The following LRRTM4 variants were observed in gnomAD, a reference collection of about 807,000 sequenced individuals.
LRRTM4 encodes leucine-rich repeat transmembrane neuronal protein 4.
A neutral mutation model predicts 47.6 loss-of-function variants in LRRTM4; 25 were observed. The observed-to-expected ratio is 0.53, with a 90% CI of 0.38 to 0.73. The LOEUF (loss-of-function observed/expected upper bound fraction) is 0.73, where lower values mean the gene tolerates loss of function less well. LRRTM4 is among the 30% of genes least tolerant of loss of function. The pLI, the probability that LRRTM4 is intolerant of heterozygous loss-of-function variation, is 0.00. For synonymous variants in LRRTM4, 311 were observed against 269.5 expected, an observed-to-expected ratio of 1.15 and a Z score of -1.51; for missense variants, 638 against 713.4, an observed-to-expected ratio of 0.89 and a Z score of 1.20.
intron 3 of LRRTM4, among the ~76,000 whole-genome samples, chr2:77,477,903 A>AAAAGAAAGAAAG (rs70956633): frequency 4.0e-4 from 44 of 109,866 alleles, no homozygotes; most frequent in Non-Finnish European, 4.7e-4. Flanking sequence ...AAAAGAAAGA[A>AAAAGAAAGAAAG]AAAGAAAGAA....
chr2:77,409,310 C>T (rs150128161), intron 3 of LRRTM4, among the ~76,000 whole-genome samples: 1 of 152,222 alleles, frequency 6.6e-6, no homozygotes, highest in East Asian at 1.9e-4. Context: ...TATTTTCTTA[C>T]GGTTCTAGAG....
intron 3 of LRRTM4, among the ~76,000 whole-genome samples, chr2:76,822,000 T>G (rs534734623): frequency 6.6e-6 from 1 of 151,618 alleles, no homozygotes; most frequent in Admixed American, 6.6e-5. Flanking sequence ...TGGAAAATAG[T>G]GGAACTGAAT....
At chr2:77,414,588 T>A (rs17014067) in intron 3 of LRRTM4, among the ~76,000 whole-genome samples, 6,912 of 152,250 alleles carry the variant, frequency 0.045, 571 homozygotes, top group African/African-American at 0.16. Context: ...GAATTTTAGG[T>A]ATAATTTGCC....
At chr2:77,399,837 T>G (rs560461667) in intron 3 of LRRTM4, among the ~76,000 whole-genome samples, 1 of 151,858 alleles carries the variant, frequency 6.6e-6, no homozygotes, top group African/African-American at 2.4e-5. Flanking sequence ...AAGATGTGCA[T>G]TGAAATTGGG....
chr2:76,775,242 G>T (rs985067538), intron 3 of LRRTM4, among the ~76,000 whole-genome samples: 10 of 152,172 alleles, frequency 6.6e-5, no homozygotes, highest in African/African-American at 2.4e-4. Flanking sequence ...ATTTTCAATG[G>T]TGTAATCCTT....
At chr2:77,222,275 C>T (rs919450777) in intron 3 of LRRTM4, among the ~76,000 whole-genome samples, 2 of 151,924 alleles carry the variant, frequency 1.3e-5, no homozygotes, top group African/African-American at 4.8e-5. Context: ...AAATTGACAC[C>T]CTAACATCAC....
intron 3 of LRRTM4, among the ~76,000 whole-genome samples, chr2:77,184,736 G>C (rs1478063631): frequency 6.6e-6 from 1 of 152,068 alleles, no homozygotes; most frequent in South Asian, 2.1e-4. Flanking sequence ...TGTTAAATTT[G>C]TATCTCTTTA....
intron 3 of LRRTM4, among the ~76,000 whole-genome samples, chr2:76,932,781 G>A (rs1573331931): frequency 6.6e-6 from 1 of 150,968 alleles, no homozygotes; most frequent in East Asian, 2.0e-4. Flanking sequence ...ACACACAAAA[G>A]AGAGGAAAAT....
intron 3 of LRRTM4, among the ~76,000 whole-genome samples, chr2:77,212,104 G>A (rs1041750745): frequency 5.9e-5 from 9 of 151,842 alleles, no homozygotes; most frequent in Admixed American, 1.3e-4. Flanking sequence ...TGGGATGTGG[G>A]AGACTACTTA....
chr2:76,855,222 C>T (rs563458229), intron 3 of LRRTM4, among the ~76,000 whole-genome samples: 1 of 152,140 alleles, frequency 6.6e-6, no homozygotes, highest in African/African-American at 2.4e-5. Flanking sequence ...TCATGGGGCC[C>T]GTGTAAGCCA....
At chr2:76,794,500 A>T (rs1053310022) in intron 3 of LRRTM4, among the ~76,000 whole-genome samples, 2 of 152,200 alleles carry the variant, frequency 1.3e-5, no homozygotes, top group Non-Finnish European at 2.9e-5. Context: ...TTACTGGTAT[A>T]GGCAAACATT....
At chr2:77,408,560 G>T (rs1674299639) in intron 3 of LRRTM4, among the ~76,000 whole-genome samples, 1 of 152,030 alleles carries the variant, frequency 6.6e-6, no homozygotes, top group African/African-American at 2.4e-5. Context: ...TTTTCATTTT[G>T]TGTTTTCTCA....
chr2:77,053,125 G>C (rs144347624), intron 3 of LRRTM4, among the ~76,000 whole-genome samples: 2 of 152,252 alleles, frequency 1.3e-5, no homozygotes, highest in Admixed American at 1.3e-4. Flanking sequence ...TAAAGAAACC[G>C]TAACTAGTAG....
chr2:77,155,368 A>G (rs994715991), intron 3 of LRRTM4, among the ~76,000 whole-genome samples: 1 of 151,914 alleles, frequency 6.6e-6, no homozygotes, highest in Non-Finnish European at 1.5e-5. Context: ...AATTATACCT[A>G]CTTACACTGA....
At chr2:77,471,803 C>A (rs1573459417) in intron 3 of LRRTM4, among the ~76,000 whole-genome samples, 1 of 152,106 alleles carries the variant, frequency 6.6e-6, no homozygotes, top group South Asian at 2.1e-4. Flanking sequence ...GCTCCTTCAT[C>A]CTGATTTATT....
chr2:76,974,151 CATACATATATATATAT>C (rs1676317746), intron 3 of LRRTM4, among the ~76,000 whole-genome samples: 2 of 133,744 alleles, frequency 1.5e-5, no homozygotes, highest in African/African-American at 6.0e-5. Flanking sequence ...CATATATATA[CATACATATATATATAT>C]ACATACATAT....
intron 3 of LRRTM4, among the ~76,000 whole-genome samples, chr2:77,394,953 C>T (rs1378548204): frequency 6.6e-6 from 1 of 151,978 alleles, no homozygotes; most frequent in Admixed American, 6.6e-5. Context: ...GCATTGAGCT[C>T]AAGTTGTCTT....
rs576318403 is a variant in LRRTM4 at position 77,246,585 on chromosome 2, CA to C, written c.1551+271732del. ...CAAATTGGACTGCACAGATACAGAACATTTGCATCATCACAGGCAATTCTAT... is the reference window on the plus strand; with the variant it reads ...CAAATTGGACTGCACAGATACAGAACTTTGCATCATCACAGGCAATTCTAT... On this transcript the variant is annotated intron_variant, in intron 3 of 3. Transcript: ENST00000409884. Among the ~76,000 whole-genome samples the C allele has an allele frequency of 7.8e-4, 118 of 152,180 alleles. 2 individuals carry two copies. Among genetic ancestry groups the C allele is most frequent in the African/African-American group, 2.8e-3 (115 of 41,532 alleles).
intron 3 of LRRTM4, among the ~76,000 whole-genome samples, chr2:77,073,822 G>A (rs1680244240): frequency 6.6e-6 from 1 of 151,344 alleles, no homozygotes; most frequent in Non-Finnish European, 1.5e-5. Context: ...ATTCACTATG[G>A]CTAAATCTGT....
Sources: gnomAD v4.1 joint callset for allele counts (sites outside exome capture counted in the v4.1 genomes callset) on GRCh38, gnomAD v4.1.1 for gene constraint, MANE v1.5 for transcripts, NCBI Gene and HGNC (gene_info 2026-07-23, HGNC 2026-07-21) for gene names.